The following TAGLN variants were observed in gnomAD, a reference collection of about 807,000 sequenced individuals.
TAGLN encodes the protein transgelin.
TAGLN carries 16 observed loss-of-function variants against 21.9 expected under a neutral mutation model. The ratio of observed to expected loss-of-function variants is 0.73; its 90% CI spans 0.49 to 1.11. TAGLN has a LOEUF of 1.11. TAGLN is among the 50% of genes least tolerant of loss of function. TAGLN has a pLI of 0.00. For missense variants in TAGLN, 248 were observed against 263.2 expected, an observed-to-expected ratio of 0.94 and a Z score of 0.40; for synonymous variants, 96 against 94.9, an observed-to-expected ratio of 1.01 and a Z score of -0.06.
chr11:117,205,292 A>C lies in TAGLN; in HGVS notation c.*933A>C, dbSNP rs2031301197. The C allele has an allele frequency of 4.3e-6, 1 of 233,606 alleles. No individual in the cohort carries two copies. The allele number at this position is 233,606 out of a possible 1,614,324, so 14.5% of individuals were successfully genotyped here. ...TCCCTGAGCACTTGCAGAGGAAGAC[A>C]GGGTGGTGGCAGGACTGGAGTGGCA... On this transcript the variant is annotated 3_prime_UTR_variant, in exon 5 of 5. Coordinates refer to ENST00000392951, the MANE Select transcript of TAGLN (RefSeq NM_003186.5).
In TAGLN at chr11:117,206,266, G is replaced by C; in HGVS notation, c.*1907G>C. Reference sequence around the variant, plus strand: ...TGGCAGGGTCCACTCCTACAAACTTGATTGGAAGCCACATTCCTCTGGCTC... The same window carrying C: ...TGGCAGGGTCCACTCCTACAAACTTCATTGGAAGCCACATTCCTCTGGCTC... On this transcript the variant is annotated 3_prime_UTR_variant, in exon 5 of 5. Coordinates refer to ENST00000392951, the MANE Select transcript of TAGLN (RefSeq NM_003186.5). The C allele has an allele frequency of 9.9e-6, 16 of 1,614,144 alleles. No individual in the cohort carries two copies. Among genetic ancestry groups the C allele is most frequent in the Non-Finnish European group, 1.4e-5 (16 of 1,180,002 alleles).
chr11:117,204,135 A>AG, intron 4 of TAGLN, 80 bp from the exon 5 acceptor site: 1 of 1,592,994 alleles, frequency 6.3e-7, no homozygotes, highest in African/African-American at 1.3e-5. Context: ...GGATTGGGCT[A>AG]GGACGTAACA....
chr11:117,202,997 T>C lies in TAGLN; in HGVS notation c.-12-5T>C, dbSNP rs771820202. The stretch of plus-strand genomic sequence containing the variant: ...CCCTCCCTCCTCCACCCTGGCCTGC[T>C]TTAGCTTTCCCCAGACATGGCCAAC... On this transcript the variant is annotated splice_polypyrimidine_tract_variant and splice_region_variant and intron_variant, in intron 1 of 4. Transcript: ENST00000392951. 5 of 1,544,428 alleles carry C rather than the reference T, an allele frequency of 3.2e-6. No homozygotes were observed.
chr11:117,202,973 C>T (rs753861389), intron 1 of TAGLN, 29 bp from the exon 2 acceptor site: 3 of 1,521,928 alleles, frequency 2.0e-6, no homozygotes, highest in Admixed American at 4.3e-5. Flanking sequence ...ACCCTCTGCC[C>T]CTCCCTCCTC....
Position 117,204,693 on chromosome 11 carries a change from C to A in TAGLN, c.*334C>A. ...CCACTGTCCTCCTTGGCGGCAAAAG[C>A]CCATTGAAGAAGAACCAGCCCAGCC... On this transcript the variant is annotated 3_prime_UTR_variant, in exon 5 of 5. Transcript: ENST00000392951. 2.5e-6 allele frequency: 1 copy of A among 406,722 alleles called. No individual in the cohort carries two copies. The highest frequency in any genetic ancestry group is 4.6e-6 in the Non-Finnish European group (1 of 215,616). 25.2% of individuals were successfully genotyped at this position (406,722 alleles called of 1,614,324 possible). A position where few individuals can be genotyped will look rare whatever the true frequency, so the allele number is the denominator to read the frequency against.
At position 117,203,068 on chromosome 11, in the gene TAGLN, G is replaced by A. The variant is rs139635313; in HGVS notation, c.55G>A (p.Glu19Lys). The A allele has an allele frequency of 5.3e-5, 86 of 1,610,370 alleles. No individual in the cohort carries two copies. Among genetic ancestry groups the A allele is most frequent in the Admixed American group, 8.4e-5 (5 of 59,490 alleles). The change falls in exon 2 of 5, where the codon GAG becomes AAG. Residue 19 changes from glutamate to lysine, a missense_variant. Transcript: ENST00000392951. The surrounding 1 kb of genome is among the most constrained non-coding windows in gnomAD (Gnocchi z 4.4). ...GAGCCGCGAAGTGCAGTCCAAAATC[G>A]AGAAGAAGTATGACGAGGAGCTGGA... The part of the protein sequence containing the change: ...GMSREVQSKI[E>K]KKYDEELEER...
chr11:117,206,375 C>T lies in TAGLN; in HGVS notation c.*2016C>T. The stretch of plus-strand genomic sequence containing the variant: ...CCAGGGTCTGGGGCCGAGGCAAGCA[C>T]CTACGTGAGGCACTGTTTCCCGAAG... On this transcript the variant is annotated 3_prime_UTR_variant, in exon 5 of 5. Coordinates refer to ENST00000392951, the MANE Select transcript of TAGLN (RefSeq NM_003186.5). 6.3e-7 allele frequency: 1 copy of T among 1,591,430 alleles called. No homozygotes were observed. The highest frequency in any genetic ancestry group is 8.6e-7 in the Non-Finnish European group (1 of 1,166,942).
At position 117,204,258 on chromosome 11, in the gene TAGLN, C is replaced by G; in HGVS notation, c.505C>G (p.Gln169Glu). The change falls in exon 5 of 5, where the codon CAG becomes GAG. Residue 169 changes from glutamine to glutamate, a missense_variant. Physicochemically the swap from Gln to Glu is conservative, Grantham distance 29. Transcript: ENST00000392951. The stretch of plus-strand genomic sequence containing the variant: ...GAGGGAATTCACAGAGAGCCAGCTG[C>G]AGGAGGGAAAGCATGTCATTGGCCT... ...HKREFTESQL[Q>E]EGKHVIGLQM... is the part of the protein sequence containing the mutation. 1 of 1,614,248 alleles carries G rather than the reference C, an allele frequency of 6.2e-7. No individual in the cohort carries two copies. The highest frequency in any genetic ancestry group is 8.5e-7 in the Non-Finnish European group (1 of 1,180,036).
chr11:117,203,147 C>T lies in TAGLN; in HGVS notation c.134C>T (p.Pro45Leu), dbSNP rs1339099906. 1 of 1,600,952 alleles carries T rather than the reference C, an allele frequency of 6.2e-7. No individual in the cohort carries two copies. Among genetic ancestry groups the T allele is most frequent in the East Asian group, 2.2e-5 (1 of 44,648 alleles). ...CAGTGTGGCCCTGATGTGGGCCGCC[C>T]AGACCGTGGGCGCTTGGGCTTCCAG... ...IVQCGPDVGR[P>L]DRGRLGFQVW... is the part of the protein sequence containing the mutation. The change falls in exon 2 of 5, where the codon CCA becomes CTA. Residue 45 changes from proline to leucine, a missense_variant. Physicochemically the swap from Pro to Leu is moderately conservative, Grantham distance 98 (BLOSUM62 -3). Coordinates refer to ENST00000392951, the MANE Select transcript of TAGLN (RefSeq NM_003186.5). This position sits in a 1 kb window ranked among gnomAD's most constrained non-coding sequence, Gnocchi z 4.4.
chr11:117,202,930 G>A (rs1289774796), intron 1 of TAGLN, 72 bp from the exon 2 acceptor site: 2 of 1,415,274 alleles, frequency 1.4e-6, no homozygotes, highest in Non-Finnish European at 1.9e-6. Flanking sequence ...CTAGAAGGCT[G>A]CCTGGCACGG....
Position 117,205,649 on chromosome 11 carries a change from C to G in TAGLN, c.*1290C>G, listed in dbSNP as rs556964286. 1 of 265,066 alleles carries G rather than the reference C, an allele frequency of 3.8e-6. No individual in the cohort carries two copies. Among genetic ancestry groups the G allele is most frequent in the East Asian group, 5.7e-5 (1 of 17,644 alleles). The allele number at this position is 265,066 out of a possible 1,614,324, so 16.4% of individuals were successfully genotyped here. On this transcript the variant is annotated 3_prime_UTR_variant, in exon 5 of 5. Coordinates refer to ENST00000392951, the MANE Select transcript of TAGLN (RefSeq NM_003186.5). ...GATGCGCTCCTGGCTATGGCAGGCA[C>G]CTTCTCAACTTATATGTGGGAAGGG...
rs779794717 is a variant in TAGLN, at chr11:117,203,076, G to C, written c.63G>C (p.Lys21Asn). 6.2e-6 allele frequency: 10 copies of C among 1,611,924 alleles called. No individual in the cohort carries two copies. The South Asian group carries it at 1.1e-4, about 18-fold the overall frequency. The change falls in exon 2 of 5, where the codon AAG (lysine) becomes AAC (asparagine). Residue 21 changes from lysine to asparagine, a missense_variant. By Grantham distance (94) the Lys-to-Asn change is moderately conservative (BLOSUM62 0). Transcript: ENST00000392951. The surrounding 1 kb of genome is among the most constrained non-coding windows in gnomAD (Gnocchi z 4.4). ...SREVQSKIEK[K>N]YDEELEERLV... ...AAGTGCAGTCCAAAATCGAGAAGAA[G>C]TATGACGAGGAGCTGGAGGAGCGGC...
In TAGLN at chr11:117,199,443, T is replaced by C. The variant is rs1176815787; in HGVS notation, c.-13+11T>C. Reference sequence around the variant, plus strand: ...CCCTGAGGAAGCCTTGTGAGTGCATTGGCTGGGGCTTGGAGGGAAGTTGGG... The same window carrying C: ...CCCTGAGGAAGCCTTGTGAGTGCATCGGCTGGGGCTTGGAGGGAAGTTGGG... On this transcript the variant is annotated intron_variant, in intron 1 of 4. Coordinates refer to ENST00000392951, the MANE Select transcript of TAGLN (RefSeq NM_003186.5). 1.3e-5 allele frequency: 2 copies of C among 152,272 alleles called. No individual in the cohort carries two copies. Among genetic ancestry groups the C allele is most frequent in the South Asian group, 2.1e-4 (1 of 4,826 alleles). The allele number at this position is 152,272 out of a possible 1,614,324, so 9.4% of individuals were successfully genotyped here.
rs1324965140 is a variant in TAGLN, at chr11:117,205,447, A to G, written c.*1088A>G. 4.3e-6 allele frequency: 1 copy of G among 233,944 alleles called. No homozygotes were observed. The highest frequency in any genetic ancestry group is 2.2e-5 in the African/African-American group (1 of 45,468). The allele number at this position is 233,944 out of a possible 1,614,324, so 14.5% of individuals were successfully genotyped here. A position where few individuals can be genotyped will look rare whatever the true frequency, so the allele number is the denominator to read the frequency against. ...GTATCCCAGCTGTGCCGGCAGCATC[A>G]TACCAATCGTGGGGGTGGTGAAGGA... On this transcript the variant is annotated 3_prime_UTR_variant, in exon 5 of 5. Coordinates refer to ENST00000392951, the MANE Select transcript of TAGLN (RefSeq NM_003186.5).
chr11:117,204,412 C>G lies in TAGLN; in HGVS notation c.*53C>G. 1 of 1,612,654 alleles carries G rather than the reference C, an allele frequency of 6.2e-7. No homozygotes were observed. On this transcript the variant is annotated 3_prime_UTR_variant, in exon 5 of 5. Coordinates refer to ENST00000392951, the MANE Select transcript of TAGLN (RefSeq NM_003186.5). ...CCCTCCCCCAGCTCCTTGGCTGCAG[C>G]CATCCCGCTTAGCCTGCCTCACCCA... is the stretch of plus-strand genomic sequence containing the variant.
rs1488274368 is a variant in TAGLN, at chr11:117,203,937, T to A, written c.461+53T>A. On this transcript the variant is annotated intron_variant, in intron 4 of 4. Transcript: ENST00000392951. This position sits in a 1 kb window ranked among gnomAD's most constrained non-coding sequence, Gnocchi z 4.4. ...TCCGCATGGGGTGGGAGGTGGCTTG[T>A]TCTAAGGAGCTTGCGGGAAGGATTA... 4 of 1,486,252 alleles carry A rather than the reference T, an allele frequency of 2.7e-6. No homozygotes were observed. Among genetic ancestry groups the A allele is most frequent in the Non-Finnish European group, 3.8e-6 (4 of 1,064,972 alleles). 92.1% of individuals were successfully genotyped at this position (1,486,252 alleles called of 1,614,324 possible).
intron 1 of TAGLN, chr11:117,202,009 C>T (rs986120073): frequency 2.6e-5 from 4 of 152,448 alleles, no homozygotes; most frequent in Non-Finnish European, 5.9e-5. Flanking sequence ...GCCTGGCCCA[C>T]TCCTGCTGCC....
intron 1 of TAGLN, 191 bp from the exon 2 acceptor site, chr11:117,202,811 T>C (rs2031153457): frequency 6.5e-6 from 3 of 460,050 alleles, no homozygotes; most frequent in Non-Finnish European, 1.1e-5. Context: ...CCTGGTATCC[T>C]CTTTCCTGGT....
rs1014725928 is a variant in TAGLN, at chr11:117,203,608, A to G, written c.358+124A>G. The G allele has an allele frequency of 7.7e-6, 10 of 1,294,532 alleles. No individual in the cohort carries two copies. In the Admixed American group the frequency reaches 1.0e-4, roughly 13 times the overall value. The allele number at this position is 1,294,532 out of a possible 1,614,324, so 80.2% of individuals were successfully genotyped here. A position where few individuals can be genotyped will look rare whatever the true frequency, so the allele number is the denominator to read the frequency against. ...TGCCCGCACACAGCAGGGATGGGATATGCCGAGAATAACACGCCACGCTCA... is the reference window on the plus strand; with the variant it reads ...TGCCCGCACACAGCAGGGATGGGATGTGCCGAGAATAACACGCCACGCTCA... On this transcript the variant is annotated intron_variant, in intron 3 of 4. Coordinates refer to ENST00000392951, the MANE Select transcript of TAGLN (RefSeq NM_003186.5). The surrounding 1 kb of genome is among the most constrained non-coding windows in gnomAD (Gnocchi z 4.4).
Sources: allele counts gnomAD v4.1 joint callset, GRCh38; gene constraint gnomAD v4.1.1; non-coding constraint Gnocchi (gnomAD v3.1); transcripts MANE v1.5; gene names NCBI Gene and HGNC (gene_info 2026-07-23, HGNC 2026-07-21).